The following MTREX variants were observed in gnomAD, a reference collection of about 807,000 sequenced individuals.
The protein encoded by MTREX is Mtr4 exosome RNA helicase.
A neutral mutation model predicts 135.4 loss-of-function variants in MTREX; 76 were observed. The observed-to-expected ratio is 0.56, with a 90% CI of 0.47 to 0.68. MTREX has a LOEUF of 0.68. MTREX is among the 30% of genes least tolerant of loss of function. MTREX has a pLI of 0.00. For synonymous variants in MTREX, 404 were observed against 401.6 expected (o/e 1.01, Z -0.07); for missense variants, 920 against 1,262.1 (o/e 0.73, Z 4.11).
At chr5:55,397,727 A>T (rs1044667903) in intron 20 of MTREX, among the ~76,000 whole-genome samples, 19 of 152,210 alleles carry the variant, frequency 1.2e-4, no homozygotes, top group African/African-American at 4.3e-4. Flanking sequence ...TCTACCAACA[A>T]AGTGAGTTAG....
rs575241709 is a variant in MTREX, at chr5:55,400,445, TA to T, written c.2481+25del. ...AGGTATGGCAGAAATTTGGTTTTTATAGTAGAATTCTATATGTTTCACTGAA... is the reference window on the plus strand; with the variant it reads ...AGGTATGGCAGAAATTTGGTTTTTATGTAGAATTCTATATGTTTCACTGAA... On this transcript the variant is annotated intron_variant, in intron 21 of 26. Transcript: ENST00000230640. 1.5e-3 allele frequency: 2,301 copies of T among 1,500,390 alleles called. 1 individual carries two copies. The highest frequency in any genetic ancestry group is 1.8e-3 in the Non-Finnish European group (1,939 of 1,100,112). 92.9% of individuals were successfully genotyped at this position (1,500,390 alleles called of 1,614,324 possible). A position where few individuals can be genotyped will look rare whatever the true frequency, so the allele number is the denominator to read the frequency against.
intron 1 of MTREX, 73 bp downstream of exon 1, chr5:55,308,220 G>T: frequency 6.7e-7 from 1 of 1,490,198 alleles, no homozygotes; most frequent in Non-Finnish European, 9.0e-7. Context: ...ACTCTCTTAG[G>T]AAGAGCACGA....
intron 14 of MTREX, among the ~76,000 whole-genome samples, chr5:55,355,123 C>A (rs895357735): frequency 2.6e-5 from 4 of 152,116 alleles, no homozygotes; most frequent in African/African-American, 7.2e-5. Context: ...CAGCCTGGGA[C>A]CCTCCCTCAC....
intron 19 of MTREX, among the ~76,000 whole-genome samples, chr5:55,391,053 C>T (rs1401040605): frequency 6.6e-6 from 1 of 152,130 alleles, no homozygotes; most frequent in African/African-American, 2.4e-5. Context: ...TTACATGTCT[C>T]ATAATTTTTC....
At position 55,423,147 on chromosome 5, in the gene MTREX, A is replaced by G. The variant is rs953559789; in HGVS notation, c.3076+165A>G. ...ATAAAATTTAGTGTGTTGGGGGAAA[A>G]GTTGAGATTTTATATATACATGCAT... On this transcript the variant is annotated intron_variant, in intron 26 of 26. Coordinates refer to ENST00000230640, the MANE Select transcript of MTREX (RefSeq NM_015360.5). 5 of 604,260 alleles carry G rather than the reference A, an allele frequency of 8.3e-6. No individual in the cohort carries two copies. In the African/African-American group the frequency reaches 9.3e-5, roughly 11 times the overall value. 37.4% of individuals were successfully genotyped at this position (604,260 alleles called of 1,614,324 possible).
At chr5:55,359,934 A>G (rs11959856) in intron 15 of MTREX, among the ~76,000 whole-genome samples, 18 of 152,174 alleles carry the variant, frequency 1.2e-4, no homozygotes, top group African/African-American at 3.1e-4. Flanking sequence ...AACTTTTCTA[A>G]TAGACTTATT....
chr5:55,324,436 T>A, intron 3 of MTREX: 1 of 105,768 alleles, frequency 9.5e-6, no homozygotes, highest in Non-Finnish European at 1.6e-5. Flanking sequence ...TTTTTTTTTT[T>A]TTTTTTTTTT....
At chr5:55,372,744 A>ACT (rs1243686275) in intron 16 of MTREX, among the ~76,000 whole-genome samples, 1 of 152,206 alleles carries the variant, frequency 6.6e-6, no homozygotes, top group African/African-American at 2.4e-5. Context: ...TAACTCAGAT[A>ACT]AAGAGCTAAA....
chr5:55,393,953 A>G (rs920762646), intron 19 of MTREX, among the ~76,000 whole-genome samples: 13 of 152,174 alleles, frequency 8.5e-5, no homozygotes, highest in East Asian at 5.8e-4. Context: ...TTTAGGAGGC[A>G]TTTATAGAAT....
At chr5:55,380,839 C>T (rs1298394149) in intron 18 of MTREX, among the ~76,000 whole-genome samples, 5 of 151,888 alleles carry the variant, frequency 3.3e-5, no homozygotes, top group Non-Finnish European at 7.4e-5. Flanking sequence ...AGGAAGTGTT[C>T]CCCTTTTCTT....
chr5:55,314,029 A>G (rs1003299854), intron 1 of MTREX, among the ~76,000 whole-genome samples: 4 of 152,150 alleles, frequency 2.6e-5, no homozygotes, highest in African/African-American at 9.6e-5. Flanking sequence ...CCTTCAATCA[A>G]TGTTCTCTGA....
intron 10 of MTREX, among the ~76,000 whole-genome samples, chr5:55,345,441 C>CCA (rs1014052338): frequency 6.6e-6 from 1 of 152,116 alleles, no homozygotes; most frequent in African/African-American, 2.4e-5. Context: ...GCAGCCATCA[C>CCA]CACTGTCTAG....
intron 5 of MTREX, among the ~76,000 whole-genome samples, chr5:55,329,868 T>C (rs1749442159): frequency 1.3e-5 from 2 of 152,042 alleles, no homozygotes; most frequent in Admixed American, 1.3e-4. Context: ...TTTTTTCTTG[T>C]CTTTGGGTTT....
intron 15 of MTREX, among the ~76,000 whole-genome samples, chr5:55,363,287 T>G (rs958199266): frequency 6.6e-6 from 1 of 152,228 alleles, no homozygotes; most frequent in South Asian, 2.1e-4. Flanking sequence ...CAAAAATATT[T>G]AGCCTGTTAA....
chr5:55,405,599 G>T lies in MTREX; in HGVS notation c.2645+11G>T. The T allele has an allele frequency of 3.1e-6, 5 of 1,588,796 alleles. No individual in the cohort carries two copies. The highest frequency in any genetic ancestry group is 4.3e-6 in the Non-Finnish European group (5 of 1,166,566). On this transcript the variant is annotated intron_variant, in intron 22 of 26. Transcript: ENST00000230640. ...TTGTGAGATAAGCAGGTAAAATCTG[G>T]TTATTGTTCTAGAAAGTTCATTTTT...
At chr5:55,319,081 T>C (rs1420017674) in intron 1 of MTREX, among the ~76,000 whole-genome samples, 1 of 152,220 alleles carries the variant, frequency 6.6e-6, no homozygotes, top group Non-Finnish European at 1.5e-5. Flanking sequence ...TGTGGATACA[T>C]AATTTTTTCT....
chr5:55,358,181 G>C (rs887990095), intron 14 of MTREX, among the ~76,000 whole-genome samples: 6 of 152,082 alleles, frequency 3.9e-5, no homozygotes, highest in African/African-American at 1.4e-4. Context: ...ATTTTTTACT[G>C]CCAGTGAATT....
At chr5:55,343,521 C>G (rs938792669) in intron 8 of MTREX, 66 bp downstream of exon 8, 2 of 1,393,334 alleles carry the variant, frequency 1.4e-6, no homozygotes, top group Non-Finnish European at 2.0e-6. Flanking sequence ...TTGCTTTACT[C>G]TCCCTTTGCT....
rs534120622 is a variant in MTREX, at chr5:55,317,045, CT to C, written c.135-5281del. ...TTCACAATTGCCACACACCTCCCCC[CT>C]CCCACACACACACACCCTAGAAATA... On this transcript the variant is annotated intron_variant, in intron 1 of 26. Coordinates refer to ENST00000230640, the MANE Select transcript of MTREX (RefSeq NM_015360.5). Among the ~76,000 whole-genome samples, 384 of 152,008 alleles carry C rather than the reference CT, an allele frequency of 2.5e-3. 3 individuals are homozygous for C. Among genetic ancestry groups the C allele is most frequent in the Non-Finnish European group, 2.6e-3 (179 of 67,914 alleles).
Sources: gnomAD v4.1 joint callset for allele counts (sites outside exome capture counted in the v4.1 genomes callset) on GRCh38, gnomAD v4.1.1 for gene constraint, MANE v1.5 for transcripts, NCBI Gene and HGNC (gene_info 2026-07-23, HGNC 2026-07-21) for gene names.